The following PABPC1L variants were observed in gnomAD, a reference collection of about 807,000 sequenced individuals.
PABPC1L encodes the protein polyadenylate-binding protein 1-like.
Under a neutral mutation model 66.6 loss-of-function variants are expected in PABPC1L, and 31 were observed. The observed-to-expected ratio is 0.47, with a 90% confidence interval of 0.35 to 0.63. PABPC1L has a LOEUF of 0.63. Ranked by LOEUF, PABPC1L falls within the 20% of genes least tolerant of loss-of-function variation. The probability of loss-of-function intolerance (pLI) is 0.00; values close to 1 mark genes in which losing one functional copy is unlikely to be tolerated. For missense variants in PABPC1L, 722 were observed against 848.8 expected (o/e 0.85, Z 1.86); for synonymous variants, 348 against 335.1 (o/e 1.04, Z -0.42).
chr20:44,925,771 G>T (rs2066805403), intron 7 of PABPC1L, among the ~76,000 whole-genome samples: 2 of 152,170 alleles, frequency 1.3e-5, no homozygotes. Flanking sequence ...CAGTAAATTT[G>T]ATTACACATC....
chr20:44,936,968 G>C (rs1285279045), intron 12 of PABPC1L: 1 of 625,130 alleles, frequency 1.6e-6, no homozygotes, highest in Non-Finnish European at 3.1e-6. Context: ...GCTGTCCTGT[G>C]ACTTTGAGGT....
intron 12 of PABPC1L, chr20:44,937,813 G>A (rs373015874): frequency 2.3e-5 from 11 of 476,618 alleles, no homozygotes; most frequent in Admixed American, 4.0e-5. Context: ...GATCCTTTCC[G>A]CCCCCACTTA....
chr20:44,931,051 T>TTCCC (rs2066852808), intron 8 of PABPC1L, among the ~76,000 whole-genome samples: 1 of 9,112 alleles, frequency 1.1e-4, no homozygotes, highest in Non-Finnish European at 2.5e-4. Flanking sequence ...CTCCCTTCCC[T>TTCCC]TCCCTTCCCT....
In PABPC1L at chr20:44,912,413, G is replaced by A. The variant is rs1017022212; in HGVS notation, c.194-247G>A. On this transcript the variant is annotated intron_variant, in intron 1 of 14. Transcript: ENST00000217073. ...GGAATCCATGCTCATGTGGCTGCAG[G>A]GAGTTGGTTGAATGAGATCATAACT... Among the ~76,000 whole-genome samples, 30 of 152,176 alleles carry A rather than the reference G, an allele frequency of 2.0e-4. 1 individual carries two copies. The highest frequency in any genetic ancestry group is 1.5e-5 in the Non-Finnish European group (1 of 68,036).
intron 5 of PABPC1L, among the ~76,000 whole-genome samples, chr20:44,919,963 A>G (rs2066761825): frequency 6.6e-6 from 1 of 152,206 alleles, no homozygotes; most frequent in African/African-American, 2.4e-5. Context: ...AGTTGCAGTT[A>G]GAACCTAAAT....
chr20:44,919,111 G>GGAGGA, intron 4 of PABPC1L, 66 bp downstream of exon 4: 13 of 1,613,438 alleles, frequency 8.1e-6, no homozygotes, highest in Non-Finnish European at 1.1e-5. Context: ...AGTCTGGTAG[G>GGAGGA]GAGGAGGGGC....
At chr20:44,933,268 C>A in intron 10 of PABPC1L, 83 bp downstream of exon 10, 1 of 1,157,526 alleles carries the variant, frequency 8.6e-7, no homozygotes, top group Non-Finnish European at 1.3e-6. Context: ...GGTGACCTTG[C>A]CATATGCCCT....
At chr20:44,928,219 C>T (rs1049551701) in intron 7 of PABPC1L, among the ~76,000 whole-genome samples, 14 of 152,030 alleles carry the variant, frequency 9.2e-5, no homozygotes, top group Admixed American at 2.6e-4. Flanking sequence ...TACAGGCACC[C>T]GCCACCATAA....
chr20:44,935,370 T>C lies in PABPC1L; in HGVS notation c.1460-21T>C. On this transcript the variant is annotated intron_variant, in intron 10 of 14. Coordinates refer to ENST00000217073, the MANE Select transcript of PABPC1L (RefSeq NM_001372179.1). Reference sequence around the variant, plus strand: ...CTATTTGAACTCTGCTTTTTTTGTTTTGTTTTGTTTTGTTTTGCAGCCAAC... The same window carrying C: ...CTATTTGAACTCTGCTTTTTTTGTTCTGTTTTGTTTTGTTTTGCAGCCAAC... The C allele has an allele frequency of 1.9e-6, 3 of 1,595,022 alleles. No individual in the cohort carries two copies. The South Asian group carries it at 3.3e-5, about 18-fold the overall frequency.
rs2066845449 is a variant in PABPC1L, at chr20:44,930,648, C to T, written c.1161C>T (p.Ser387=). 6.2e-7 allele frequency: 1 copy of T among 1,614,240 alleles called. No individual in the cohort carries two copies. Among genetic ancestry groups the T allele is most frequent in the South Asian group, 1.1e-5 (1 of 91,092 alleles). The change falls in exon 8 of 15, where the codon TCC becomes TCT. Residue 387 remains serine, a synonymous_variant. Coordinates refer to ENST00000217073, the MANE Select transcript of PABPC1L (RefSeq NM_001372179.1). ...CCAACCAGTACATGCAGCGCCTCTC[C>T]ACCATGCGGACCCTGAGCAACCCCC... ...ILTNQYMQRL[S]TMRTLSNPLL...
intron 2 of PABPC1L, among the ~76,000 whole-genome samples, chr20:44,913,404 T>C (rs2066717611): frequency 6.6e-6 from 1 of 151,704 alleles, no homozygotes; most frequent in Admixed American, 6.6e-5. Flanking sequence ...GAACCATCAC[T>C]TCCACTACGT....
At chr20:44,915,574 G>A (rs1208283888) in intron 2 of PABPC1L, among the ~76,000 whole-genome samples, 2 of 152,118 alleles carry the variant, frequency 1.3e-5, no homozygotes, top group East Asian at 3.8e-4. Flanking sequence ...CAGGTGGGTG[G>A]ATCACCTGAG....
rs2066743941 is a variant in PABPC1L at position 44,917,242 on chromosome 20, G to A, written c.503+371G>A. On this transcript the variant is annotated intron_variant, in intron 3 of 14. Transcript: ENST00000217073. Reference sequence around the variant, plus strand: ...ATGTAGCCCAGGCTGGAGTGCAGTGGCATGAACACAGCTCACTGCAGCCTT... The same window carrying A: ...ATGTAGCCCAGGCTGGAGTGCAGTGACATGAACACAGCTCACTGCAGCCTT... Among the ~76,000 whole-genome samples, 2 of 152,116 alleles carry A rather than the reference G, an allele frequency of 1.3e-5. 1 individual carries two copies. Among genetic ancestry groups the A allele is most frequent in the South Asian group, 4.1e-4 (2 of 4,826 alleles).
In PABPC1L at chr20:44,933,092, C is replaced by T. The variant is rs1218628302; in HGVS notation, c.1366C>T (p.Pro456Ser). Residue 456 changes from proline to serine, a missense_variant, in exon 10 of 15, where the codon CCA becomes TCA. Transcript: ENST00000217073. ...YPPGASMVRP[P>S]VVPRRPPAHI... ...TCCAGGTGCCTCAATGGTCCGGCCA[C>T]CAGTTGTGCCTCGGCGCCCCCCGGC... 6.2e-7 allele frequency: 1 copy of T among 1,602,790 alleles called. No homozygotes were observed. Among genetic ancestry groups the T allele is most frequent in the South Asian group, 1.1e-5 (1 of 88,512 alleles).
intron 11 of PABPC1L, 109 bp downstream of exon 11, chr20:44,935,606 G>A (rs1009185127): frequency 1.2e-4 from 105 of 845,276 alleles, no homozygotes; most frequent in Non-Finnish European, 1.8e-4. Context: ...GGCTTGTAAA[G>A]TTTCGTTTAT....
intron 7 of PABPC1L, among the ~76,000 whole-genome samples, chr20:44,926,696 G>A (rs1349143715): frequency 4.0e-5 from 6 of 151,656 alleles, no homozygotes; most frequent in South Asian, 4.2e-4. Context: ...ACAGGCGCCC[G>A]CCACCAAGCC....
chr20:44,932,369 T>C lies in PABPC1L; in HGVS notation c.1267T>C (p.Cys423Arg). 6.2e-7 allele frequency: 1 copy of C among 1,613,804 alleles called. No individual in the cohort carries two copies. The highest frequency in any genetic ancestry group is 8.5e-7 in the Non-Finnish European group (1 of 1,179,796). Reference sequence around the variant, plus strand: ...TCCAGCCCAGGCTGCATACTATGGCTGTGGCCCAGTGACACCCACCCAGCC... The same window carrying C: ...TCCAGCCCAGGCTGCATACTATGGCCGTGGCCCAGTGACACCCACCCAGCC... ...QPPAQAAYYG[C>R]GPVTPTQPAP... The change falls in exon 9 of 15, where the codon TGT becomes CGT. Residue 423 changes from cysteine (C) to arginine (R), a missense_variant. Cys to Arg is a radical substitution (Grantham distance 180). This residue lies in a region of PABPC1L where 301 missense variants were observed against 337.2 expected (regional missense o/e 0.89). Coordinates refer to ENST00000217073, the MANE Select transcript of PABPC1L (RefSeq NM_001372179.1).
intron 12 of PABPC1L, among the ~76,000 whole-genome samples, chr20:44,937,420 T>C: frequency 6.6e-6 from 1 of 152,022 alleles, no homozygotes; most frequent in East Asian, 1.9e-4. Flanking sequence ...CCGAAATTTT[T>C]TTTTTTTTCC....
intron 10 of PABPC1L, among the ~76,000 whole-genome samples, chr20:44,934,046 C>T (rs757499412): frequency 1.3e-5 from 2 of 152,192 alleles, no homozygotes; most frequent in African/African-American, 4.8e-5. Flanking sequence ...GCCACCATGC[C>T]CGGCTTGTTG....
Sources: allele counts gnomAD v4.1 joint callset (sites outside exome capture counted in the v4.1 genomes callset), GRCh38; gene constraint gnomAD v4.1.1; regional missense constraint gnomAD v4.1.1; transcripts MANE v1.5; gene names NCBI Gene and HGNC (gene_info 2026-07-23, HGNC 2026-07-21).